Variants in NUDT3 observed in about 807,000 individuals in gnomAD.
NUDT3 encodes diphosphoinositol polyphosphate phosphohydrolase 1.
NUDT3 carries 9 observed loss-of-function variants against 23.6 expected under a neutral mutation model. The observed-to-expected ratio is 0.38, with a 90% CI of 0.23 to 0.66. NUDT3 has a LOEUF of 0.66. Among genes scored for constraint, NUDT3 ranks in the 30% least tolerant of loss-of-function variants. NUDT3 has a pLI of 0.52. For missense variants in NUDT3, 172 were observed against 218.5 expected, an observed-to-expected ratio of 0.79 and a Z score of 1.34; for synonymous variants, 86 against 82.6, an observed-to-expected ratio of 1.04 and a Z score of -0.22.
At chr6:34,325,995 A>G (rs1764021755) in intron 2 of NUDT3, among the ~76,000 whole-genome samples, 1 of 151,788 alleles carries the variant, frequency 6.6e-6, no homozygotes, top group African/African-American at 2.4e-5. Flanking sequence ...AATGTCAAAC[A>G]TACAGAAAAA....
rs202246513 is a variant in NUDT3, at chr6:34,283,202, CTT to C, written c.*5549_*5550del. 40 of 107,634 alleles carry C rather than the reference CTT, an allele frequency of 3.7e-4. No individual in the cohort carries two copies. The highest frequency in any genetic ancestry group is 8.2e-4 in the African/African-American group (25 of 30,562). 6.7% of individuals were successfully genotyped at this position (107,634 alleles called of 1,614,324 possible). On this transcript the variant is annotated 3_prime_UTR_variant, in exon 5 of 5. Coordinates refer to ENST00000607016, the MANE Select transcript of NUDT3 (RefSeq NM_006703.4). ...ACAAAATGGGATTCCCTTCCCTTTT[CTT>C]TTTTTTTTTTTTTTTTTTGAGACGG...
intron 3 of NUDT3, among the ~76,000 whole-genome samples, chr6:34,294,939 G>C (rs16885036): frequency 0.077 from 11,734 of 151,844 alleles, 919 homozygotes; most frequent in African/African-American, 0.2. Context: ...TGCTCATCTT[G>C]ATTTCTCCTG....
intron 2 of NUDT3, among the ~76,000 whole-genome samples, chr6:34,313,020 A>T (rs1480412480): frequency 6.6e-6 from 1 of 152,036 alleles, no homozygotes; most frequent in Non-Finnish European, 1.5e-5. Context: ...TACAAAAATT[A>T]GCTGGGCATG....
At chr6:34,300,012 C>T (rs1004612891) in intron 2 of NUDT3, among the ~76,000 whole-genome samples, 1 of 152,008 alleles carries the variant, frequency 6.6e-6, no homozygotes, top group African/African-American at 2.4e-5. Context: ...GTCTCCCAAA[C>T]TGCTGGGATT....
chr6:34,365,091 G>A (rs1764706903), intron 1 of NUDT3, among the ~76,000 whole-genome samples: 2 of 152,092 alleles, frequency 1.3e-5, no homozygotes, highest in Non-Finnish European at 2.9e-5. Flanking sequence ...AGGACACAAT[G>A]TTGACAAGTA....
intron 1 of NUDT3, among the ~76,000 whole-genome samples, chr6:34,347,506 C>CA (rs1474379506): frequency 6.6e-6 from 1 of 152,164 alleles, no homozygotes; most frequent in Non-Finnish European, 1.5e-5. Context: ...CAGAAATCAA[C>CA]AGGTGGTGCA....
In NUDT3 at chr6:34,377,679, A is replaced by G. The variant is rs184319467; in HGVS notation, c.99+14585T>C. 2.2e-4 allele frequency among the ~76,000 whole-genome samples: 34 copies of G among 152,150 alleles called. No homozygotes were observed. In the East Asian group the frequency reaches 5.8e-3, roughly 26 times the overall value. Reference sequence around the variant, plus strand: ...TGAAACCCGTTGCTACTGAAAATACAAAAATTGGCCAGGTGTGGTGGCACA... The same window carrying G: ...TGAAACCCGTTGCTACTGAAAATACGAAAATTGGCCAGGTGTGGTGGCACA... On this transcript the variant is annotated intron_variant, in intron 1 of 4. Transcript: ENST00000607016.
At position 34,354,986 on chromosome 6, in the gene NUDT3, G is replaced by A. The variant is rs1267849433; in HGVS notation, c.100-13014C>T. Among the ~76,000 whole-genome samples, 8 of 151,632 alleles carry A rather than the reference G, an allele frequency of 5.3e-5. No individual in the cohort carries two copies. The South Asian group carries it at 1.7e-3, about 31-fold the overall frequency. ...GTTAACAGCAAATAAAGATAGTTTT[G>A]CCTCTTCCCCTCTAATTTATATTTC... is the stretch of plus-strand genomic sequence containing the variant. On this transcript the variant is annotated intron_variant, in intron 1 of 4. Transcript: ENST00000607016.
In NUDT3 at chr6:34,315,634, A is replaced by G. The variant is rs555284452; in HGVS notation, c.211-19949T>C. 3.9e-5 allele frequency among the ~76,000 whole-genome samples: 6 copies of G among 152,336 alleles called. No homozygotes were observed. In the East Asian group the frequency reaches 1.2e-3, roughly 29 times the overall value. ...ACAGACATATCTGTTATAAATATGT[A>G]TTCAAAAGAAAAAACTGAAGGCCTG... On this transcript the variant is annotated intron_variant, in intron 2 of 4. Coordinates refer to ENST00000607016, the MANE Select transcript of NUDT3 (RefSeq NM_006703.4).
intron 1 of NUDT3, among the ~76,000 whole-genome samples, chr6:34,351,971 C>G (rs942232793): frequency 6.6e-6 from 1 of 151,704 alleles, no homozygotes; most frequent in African/African-American, 2.4e-5. Flanking sequence ...GTAATCCCAG[C>G]ACTGTGGGAG....
At chr6:34,333,771 C>T (rs533404673) in intron 2 of NUDT3, among the ~76,000 whole-genome samples, 1 of 152,214 alleles carries the variant, frequency 6.6e-6, no homozygotes, top group Non-Finnish European at 1.5e-5. Context: ...AAATCAGCAA[C>T]TGATGCAAAG....
intron 1 of NUDT3, among the ~76,000 whole-genome samples, chr6:34,363,187 C>T (rs578217889): frequency 2.6e-5 from 4 of 152,268 alleles, no homozygotes; most frequent in African/African-American, 7.2e-5. Flanking sequence ...GGTTTATGAA[C>T]TGAGAGGTTG....
chr6:34,379,718 G>A (rs1764981604), intron 1 of NUDT3, among the ~76,000 whole-genome samples: 1 of 151,306 alleles, frequency 6.6e-6, no homozygotes, highest in Non-Finnish European at 1.5e-5. Flanking sequence ...CCCAAAGATT[G>A]TATTTTAAAA....
chr6:34,355,490 T>C (rs1764547806), intron 1 of NUDT3, among the ~76,000 whole-genome samples: 1 of 152,092 alleles, frequency 6.6e-6, no homozygotes, highest in Non-Finnish European at 1.5e-5. Context: ...ATGTTCTCTT[T>C]TCTTGTAATG....
rs188605813 is a variant in NUDT3 at position 34,346,047 on chromosome 6, G to A, written c.100-4075C>T. Among the ~76,000 whole-genome samples the A allele has an allele frequency of 3.6e-3, 542 of 152,254 alleles. 2 individuals are homozygous for A. Among genetic ancestry groups the A allele is most frequent in the Middle Eastern group, 0.024 (7 of 294 alleles). ...GCCTCCCAAAGTGTTGGGATTACAG[G>A]TGTGAGCCACCGCGCCCGGCCAAGT... On this transcript the variant is annotated intron_variant, in intron 1 of 4. Coordinates refer to ENST00000607016, the MANE Select transcript of NUDT3 (RefSeq NM_006703.4).
chr6:34,302,593 A>G (rs1342688565), intron 2 of NUDT3, among the ~76,000 whole-genome samples: 1 of 152,086 alleles, frequency 6.6e-6, no homozygotes, highest in Non-Finnish European at 1.5e-5. Flanking sequence ...TTAGCCGAGC[A>G]TGGTGGCGTG....
At chr6:34,297,760 A>ATATATATATATTTTT (rs1763535832) in intron 2 of NUDT3, among the ~76,000 whole-genome samples, 16 of 53,644 alleles carry the variant, frequency 3.0e-4, no homozygotes, top group Non-Finnish European at 3.7e-4. Flanking sequence ...TATATATATA[A>ATATATATATATTTTT]TTTTTTTTTT....
At chr6:34,339,029 G>C (rs1258674148) in intron 2 of NUDT3, among the ~76,000 whole-genome samples, 2 of 152,204 alleles carry the variant, frequency 1.3e-5, no homozygotes, top group Non-Finnish European at 2.9e-5. Context: ...TGCCAAGGGA[G>C]TTGCTGTCTC....
At chr6:34,360,780 C>G (rs76920951) in intron 1 of NUDT3, among the ~76,000 whole-genome samples, 12 of 151,850 alleles carry the variant, frequency 7.9e-5, no homozygotes, top group Non-Finnish European at 1.6e-4. Flanking sequence ...TGAGAAGACA[C>G]AAGCCACAAG....
Sources: allele counts gnomAD v4.1 joint callset (sites outside exome capture counted in the v4.1 genomes callset), GRCh38; gene constraint gnomAD v4.1.1; transcripts MANE v1.5; gene names NCBI Gene and HGNC (gene_info 2026-07-23, HGNC 2026-07-21).